The following DYRK1A variants were observed in gnomAD, a reference collection of about 807,000 sequenced individuals.
DYRK1A encodes dual specificity tyrosine-phosphorylation-regulated kinase 1A.
Under a neutral mutation model 79.7 loss-of-function variants are expected in DYRK1A, and 9 were observed. The ratio of observed to expected loss-of-function variants is 0.11; its 90% confidence interval spans 0.07 to 0.20. DYRK1A has a LOEUF of 0.20. Among genes scored for constraint, DYRK1A ranks in the 10% least tolerant of loss-of-function variants. DYRK1A has a pLI of 1.00. For synonymous variants in DYRK1A, 349 were observed against 329.7 expected (o/e 1.06, Z -0.63); for missense variants, 622 against 956.0 (o/e 0.65, Z 4.61).
intron 4 of DYRK1A, among the ~76,000 whole-genome samples, chr21:37,479,606 GT>G (rs1183029117): frequency 1.8e-4 from 5 of 27,594 alleles, no homozygotes; most frequent in Admixed American, 1.3e-3. Context: ...TTTTGTTTTT[GT>G]TTTTGTTTTT....
In DYRK1A at chr21:37,388,236, C is replaced by T. The variant is rs986751436; in HGVS notation, c.-77+20608C>T. Among the ~76,000 whole-genome samples, 24 of 151,344 alleles carry T rather than the reference C, an allele frequency of 1.6e-4. 1 individual carries two copies. Among genetic ancestry groups the T allele is most frequent in the African/African-American group, 5.8e-4 (24 of 41,124 alleles). On this transcript the variant is annotated intron_variant, in intron 1 of 11. Transcript: ENST00000647188. ...TAGCTGGGACTATAGGCACATACCACCTTGCCTGACTAATTTTTCTGTATT... is the reference window on the plus strand; with the variant it reads ...TAGCTGGGACTATAGGCACATACCATCTTGCCTGACTAATTTTTCTGTATT...
intron 1 of DYRK1A, among the ~76,000 whole-genome samples, chr21:37,368,486 C>T (rs542204240): frequency 2.6e-5 from 4 of 152,308 alleles, no homozygotes; most frequent in African/African-American, 9.6e-5. Flanking sequence ...GTGCCTTTCG[C>T]CCAACCCTAG....
chr21:37,464,239 T>A, intron 2 of DYRK1A: 1 of 470,892 alleles, frequency 2.1e-6, no homozygotes, highest in Non-Finnish European at 4.2e-6. Flanking sequence ...GTCTTTGAGA[T>A]GTGTTGTTTA....
At position 37,506,216 on chromosome 21, in the gene DYRK1A, G is replaced by T. The variant is rs1201240176; in HGVS notation, c.1637G>T (p.Ser546Ile). The T allele has an allele frequency of 1.2e-6, 2 of 1,614,092 alleles. No individual in the cohort carries two copies. The highest frequency in any genetic ancestry group is 1.7e-6 in the Non-Finnish European group (2 of 1,180,002). Residue 546 changes from serine to isoleucine, a missense_variant, in exon 11 of 12, where the codon AGT (serine) becomes ATT (isoleucine). By Grantham distance (142) the Ser-to-Ile change is moderately radical (BLOSUM62 -2). This residue lies in a region of DYRK1A where 292 missense variants were observed against 316.7 expected (regional missense o/e 0.92). Coordinates refer to ENST00000647188, the MANE Select transcript of DYRK1A (RefSeq NM_001347721.2). ...CAGGCCATGGACTGCGAGACACACA[G>T]TCCCCAGGTGAGCTCGCACGTGGTT... ...AVQAMDCETH[S>I]PQVRQQFPAP...
intron 11 of DYRK1A, among the ~76,000 whole-genome samples, chr21:37,507,173 A>G (rs2053621711): frequency 6.6e-6 from 1 of 152,144 alleles, no homozygotes; most frequent in Non-Finnish European, 1.5e-5. Flanking sequence ...GATCCTGCCT[A>G]TGTGTGCACT....
At chr21:37,488,647 G>A (rs1391462280) in intron 6 of DYRK1A, 2 of 985,268 alleles carry the variant, frequency 2.0e-6, no homozygotes, top group Non-Finnish European at 2.4e-6. Flanking sequence ...TGTCTTTAGT[G>A]CTCAGCACAC....
chr21:37,397,446 C>T (rs1316870506), intron 1 of DYRK1A, among the ~76,000 whole-genome samples: 1 of 152,126 alleles, frequency 6.6e-6, no homozygotes, highest in Non-Finnish European at 1.5e-5. Flanking sequence ...ACCTTTGTCT[C>T]CTCTAATTAA....
intron 2 of DYRK1A, among the ~76,000 whole-genome samples, chr21:37,438,131 G>A (rs2050981247): frequency 6.6e-6 from 1 of 152,070 alleles, no homozygotes; most frequent in South Asian, 2.1e-4. Context: ...TGTATGTCGT[G>A]TTTGGTGAAG....
intron 2 of DYRK1A, among the ~76,000 whole-genome samples, chr21:37,457,013 TTTACTTACTTACTTACTTACTTAC>T (rs149046084): frequency 2.8e-5 from 4 of 141,192 alleles, no homozygotes; most frequent in African/African-American, 1.1e-4. Flanking sequence ...AAAAAGAAAA[TTTACTTACTTACTTACTTACTTAC>T]TTATTTATTT....
intron 1 of DYRK1A, among the ~76,000 whole-genome samples, chr21:37,371,279 A>G (rs1055556230): frequency 6.6e-6 from 1 of 152,190 alleles, no homozygotes; most frequent in Non-Finnish European, 1.5e-5. Context: ...CATATTGGGT[A>G]ATTGAAGAAA....
At chr21:37,458,626 C>G (rs1156608747) in intron 2 of DYRK1A, among the ~76,000 whole-genome samples, 4 of 152,090 alleles carry the variant, frequency 2.6e-5, no homozygotes, top group Non-Finnish European at 2.9e-5. Flanking sequence ...CACACTGATG[C>G]TGGGGCCAAG....
chr21:37,379,776 A>T (rs565375674), intron 1 of DYRK1A, among the ~76,000 whole-genome samples: 2 of 152,270 alleles, frequency 1.3e-5, no homozygotes, highest in Admixed American at 1.3e-4. Flanking sequence ...AAAATCTCAT[A>T]TTCTCTTTAT....
chr21:37,379,140 ATAT>A (rs1240381474), intron 1 of DYRK1A, among the ~76,000 whole-genome samples: 1 of 152,074 alleles, frequency 6.6e-6, no homozygotes, highest in Non-Finnish European at 1.5e-5. Flanking sequence ...TTGAGTCTTA[ATAT>A]TATAAAGATA....
intron 2 of DYRK1A, among the ~76,000 whole-genome samples, chr21:37,466,555 G>GT (rs1456233375): frequency 1.3e-5 from 2 of 152,194 alleles, no homozygotes; most frequent in Admixed American, 1.3e-4. Context: ...GAAGGTAAAG[G>GT]TAAAAAGATG....
rs758163755 is a variant in DYRK1A at position 37,423,471 on chromosome 21, GA to G, written c.10+3092del. Among the ~76,000 whole-genome samples the G allele has an allele frequency of 2.0e-5, 3 of 151,998 alleles. No individual in the cohort carries two copies. The East Asian group carries it at 5.8e-4, about 29-fold the overall frequency. On this transcript the variant is annotated intron_variant, in intron 2 of 11. Transcript: ENST00000647188. ...AGAATGACTTCTCAGATTAGATTTG[GA>G]AAAAGTACTGCCTCAGAGATTACCA...
chr21:37,482,870 T>C lies in DYRK1A; in HGVS notation c.489+2044T>C, dbSNP rs542902165. On this transcript the variant is annotated intron_variant, in intron 5 of 11. Coordinates refer to ENST00000647188, the MANE Select transcript of DYRK1A (RefSeq NM_001347721.2). Reference sequence around the variant, plus strand: ...TTCAGCGATATTTCTCCCATTTGCTTTTGAAAGAAGAGAAATATGGCTCTG... The same window carrying C: ...TTCAGCGATATTTCTCCCATTTGCTCTTGAAAGAAGAGAAATATGGCTCTG... 6.3e-4 allele frequency among the ~76,000 whole-genome samples: 96 copies of C among 152,336 alleles called. No homozygotes were observed. In the Middle Eastern group the frequency reaches 0.01, roughly 16 times the overall value.
chr21:37,441,847 A>G lies in DYRK1A; in HGVS notation c.10+21463A>G, dbSNP rs536295357. Among the ~76,000 whole-genome samples, 3 of 151,586 alleles carry G rather than the reference A, an allele frequency of 2.0e-5. No individual in the cohort carries two copies. The South Asian group carries it at 6.2e-4, about 32-fold the overall frequency. On this transcript the variant is annotated intron_variant, in intron 2 of 11. Transcript: ENST00000647188. ...TTCCTTTGTATAGGTCCATATTTCC[A>G]TCTAGTTTCATTTTCCTTCATCCTG... is the stretch of plus-strand genomic sequence containing the variant.
intron 2 of DYRK1A, among the ~76,000 whole-genome samples, chr21:37,437,232 G>A (rs1442626867): frequency 6.6e-6 from 1 of 152,154 alleles, no homozygotes; most frequent in Admixed American, 6.5e-5. Context: ...GGTTCACAAT[G>A]TGTTTTTTAA....
chr21:37,495,087 A>G (rs1280264857), intron 8 of DYRK1A, among the ~76,000 whole-genome samples: 2 of 151,882 alleles, frequency 1.3e-5, no homozygotes, highest in Non-Finnish European at 2.9e-5. Context: ...TATAATAGGC[A>G]CACTCATTTA....
Sources: allele counts gnomAD v4.1 joint callset (sites outside exome capture counted in the v4.1 genomes callset), GRCh38; gene constraint gnomAD v4.1.1; regional missense constraint gnomAD v4.1.1; transcripts MANE v1.5; gene names NCBI Gene and HGNC (gene_info 2026-07-23, HGNC 2026-07-21).